Variants in AGPAT4 observed in about 807,000 individuals in gnomAD.
The protein encoded by AGPAT4 is 1-acyl-sn-glycerol-3-phosphate acyltransferase delta.
AGPAT4 carries 15 observed loss-of-function variants against 48.0 expected under a neutral mutation model. The observed-to-expected ratio is 0.31, with a 90% CI of 0.21 to 0.48. The LOEUF (loss-of-function observed/expected upper bound fraction) is 0.48, where lower values mean the gene tolerates loss of function less well. Ranked by LOEUF, AGPAT4 falls within the 20% of genes least tolerant of loss-of-function variation. The pLI, the probability that AGPAT4 is intolerant of heterozygous loss-of-function variation, is 0.99. For missense variants in AGPAT4, 314 were observed against 482.5 expected (o/e 0.65, Z 3.27); for synonymous variants, 178 against 198.7 (o/e 0.90, Z 0.88).
At position 161,222,631 on chromosome 6, in the gene AGPAT4, T is replaced by C. The variant is rs1343467425; in HGVS notation, c.178+9405A>G. 6.6e-6 allele frequency among the ~76,000 whole-genome samples: 1 copy of C among 152,134 alleles called. No homozygotes were observed. The highest frequency in any genetic ancestry group is 1.5e-5 in the Non-Finnish European group (1 of 68,030). On this transcript the variant is annotated intron_variant, in intron 2 of 8. Transcript: ENST00000320285. This position sits in a 1 kb window ranked among gnomAD's most constrained non-coding sequence, Gnocchi z 5.9. ...GTTTCTCAAGGCACATTTTGAACAA[T>C]GGTTCAGGTCAAGACAAAAATAAAT...
chr6:161,189,937 T>A lies in AGPAT4; in HGVS notation c.179-23520A>T, dbSNP rs776861204. ...AGGGTGTGTCTCACTATTGATGGCA[T>A]CCCTTAGTTTAATTGGAGCATTTCT... is the stretch of plus-strand genomic sequence containing the variant. On this transcript the variant is annotated intron_variant, in intron 2 of 8. Coordinates refer to ENST00000320285, the MANE Select transcript of AGPAT4 (RefSeq NM_020133.3). The surrounding 1 kb of genome is among the most constrained non-coding windows in gnomAD (Gnocchi z 5.3). Among the ~76,000 whole-genome samples the A allele has an allele frequency of 6.6e-6, 1 of 152,200 alleles. No individual in the cohort carries two copies. The highest frequency in any genetic ancestry group is 2.4e-5 in the African/African-American group (1 of 41,456).
At chr6:161,191,974 C>T (rs1349759056) in intron 2 of AGPAT4, among the ~76,000 whole-genome samples, 2 of 151,562 alleles carry the variant, frequency 1.3e-5, no homozygotes, top group Non-Finnish European at 2.9e-5. Flanking sequence ...CAGAGCTGGG[C>T]AGTGTGTAGG....
At chr6:161,172,101 T>C (rs1197689651) in intron 2 of AGPAT4, among the ~76,000 whole-genome samples, 1 of 152,106 alleles carries the variant, frequency 6.6e-6, no homozygotes, top group Non-Finnish European at 1.5e-5. Flanking sequence ...AAAAATAGTA[T>C]ATCTGGGAAT....
Position 161,218,030 on chromosome 6 carries a change from T to C in AGPAT4, c.178+14006A>G, listed in dbSNP as rs550948580. Among the ~76,000 whole-genome samples, 29 of 152,258 alleles carry C rather than the reference T, an allele frequency of 1.9e-4. No homozygotes were observed. The highest frequency in any genetic ancestry group is 3.5e-4 in the Non-Finnish European group (24 of 68,044). On this transcript the variant is annotated intron_variant, in intron 2 of 8. Transcript: ENST00000320285. This position sits in a 1 kb window ranked among gnomAD's most constrained non-coding sequence, Gnocchi z 4.7. Reference sequence around the variant, plus strand: ...CCTGCAAAGACCAATTGAACACGTATGCATTCACCGGGAATGCCCTGTGAT... The same window carrying C: ...CCTGCAAAGACCAATTGAACACGTACGCATTCACCGGGAATGCCCTGTGAT...
rs1779166144 is a variant in AGPAT4, at chr6:161,139,041, T to C, written c.1042+381A>G. 6.6e-6 allele frequency among the ~76,000 whole-genome samples: 1 copy of C among 152,032 alleles called. No homozygotes were observed. The highest frequency in any genetic ancestry group is 6.5e-5 in the Admixed American group (1 of 15,276). ...AGGAAGGCAGGGAGCTGCCCATCCG[T>C]CCCCGCCAGGCTCCAGCACAGGGCT... On this transcript the variant is annotated intron_variant, in intron 8 of 8. Transcript: ENST00000320285. This position sits in a 1 kb window ranked among gnomAD's most constrained non-coding sequence, Gnocchi z 9.1.
rs7762041 is a variant in AGPAT4 at position 161,157,391 on chromosome 6, C to A, written c.349-3081G>T. Among the ~76,000 whole-genome samples, 983 of 152,362 alleles carry A rather than the reference C, an allele frequency of 6.5e-3. 5 individuals are homozygous for A. Among genetic ancestry groups the A allele is most frequent in the African/African-American group, 0.023 (942 of 41,592 alleles). ...GCAATGGCACAATCTTGGCTCACTGCAACCTCCGCCTCCCAGGTTCAAGTG... is the reference window on the plus strand; with the variant it reads ...GCAATGGCACAATCTTGGCTCACTGAAACCTCCGCCTCCCAGGTTCAAGTG... On this transcript the variant is annotated intron_variant, in intron 3 of 8. Coordinates refer to ENST00000320285, the MANE Select transcript of AGPAT4 (RefSeq NM_020133.3).
At position 161,249,766 on chromosome 6, in the gene AGPAT4, C is replaced by T. The variant is rs1782755401; in HGVS notation, c.-89-17464G>A. 6.6e-6 allele frequency among the ~76,000 whole-genome samples: 1 copy of T among 152,140 alleles called. No homozygotes were observed. Among genetic ancestry groups the T allele is most frequent in the Non-Finnish European group, 1.5e-5 (1 of 68,038 alleles). ...AACAGTGTCGCAATTCCTCAAAGAC[C>T]TAAAAACAGAAATATCATTCGACCC... is the stretch of plus-strand genomic sequence containing the variant. On this transcript the variant is annotated intron_variant, in intron 1 of 8. Coordinates refer to ENST00000320285, the MANE Select transcript of AGPAT4 (RefSeq NM_020133.3). This position sits in a 1 kb window ranked among gnomAD's most constrained non-coding sequence, Gnocchi z 6.2.
chr6:161,269,772 T>C (rs1554244163), intron 1 of AGPAT4, among the ~76,000 whole-genome samples: 1 of 152,196 alleles, frequency 6.6e-6, no homozygotes, highest in Non-Finnish European at 1.5e-5. Context: ...ATACAGTGCC[T>C]GAGACATGAT....
At position 161,136,287 on chromosome 6, in the gene AGPAT4, C is replaced by T; in HGVS notation, c.*253G>A. On this transcript the variant is annotated 3_prime_UTR_variant, in exon 9 of 9. Coordinates refer to ENST00000320285, the MANE Select transcript of AGPAT4 (RefSeq NM_020133.3). ...GATCACAGAACAAAGTTCACACTCA[C>T]CACACAGCCATTCTCACACACACTC... The T allele has an allele frequency of 2.0e-6, 1 of 504,056 alleles. No individual in the cohort carries two copies. The highest frequency in any genetic ancestry group is 3.6e-5 in the East Asian group (1 of 27,924). 31.2% of individuals were successfully genotyped at this position (504,056 alleles called of 1,614,324 possible).
intron 5 of AGPAT4, among the ~76,000 whole-genome samples, chr6:161,151,291 G>A (rs1426262661): frequency 2.6e-5 from 4 of 152,238 alleles, no homozygotes; most frequent in African/African-American, 9.6e-5. Context: ...GTCCTGTGAG[G>A]ACATCCCATG....
rs372706289 is a variant in AGPAT4 at position 161,146,478 on chromosome 6, C to T, written c.843+46G>A. On this transcript the variant is annotated intron_variant, in intron 7 of 8. Transcript: ENST00000320285. This position sits in a 1 kb window ranked among gnomAD's most constrained non-coding sequence, Gnocchi z 7.1. ...CCACACAACACAGCCACACGGCGCA[C>T]CCACAGCTGCAACGTGAAGGGACCC... 7 of 1,590,992 alleles carry T rather than the reference C, an allele frequency of 4.4e-6. No homozygotes were observed. In the African/African-American group the frequency reaches 6.7e-5, roughly 15 times the overall value.
rs3043142 is a variant in AGPAT4 at position 161,272,705 on chromosome 6, A to AACACACAC, written c.-90+1225_-90+1232dup. Among the ~76,000 whole-genome samples the AACACACAC allele has an allele frequency of 0.028, 4,142 of 147,156 alleles. 99 individuals carry two copies. Among genetic ancestry groups the AACACACAC allele is most frequent in the East Asian group, 0.11 (548 of 5,004 alleles). On this transcript the variant is annotated intron_variant, in intron 1 of 8. Transcript: ENST00000320285. This position sits in a 1 kb window ranked among gnomAD's most constrained non-coding sequence, Gnocchi z 4.2. ...TCCCTGCCCGCCTCCCATTTCCCTA[A>AACACACAC]ACACACACACACACACACACACACA...
chr6:161,187,583 AGGCTGGATGGAGTGCAGT>A (rs1421361314), intron 2 of AGPAT4, among the ~76,000 whole-genome samples: 1 of 151,846 alleles, frequency 6.6e-6, no homozygotes, highest in African/African-American at 2.4e-5. Context: ...TGTCTCGCTC[AGGCTGGATGGAGTGCAGT>A]GGCACAATCT....
intron 2 of AGPAT4, among the ~76,000 whole-genome samples, chr6:161,172,645 TTTA>T (rs999988512): frequency 1.6e-4 from 24 of 152,138 alleles, no homozygotes; most frequent in Non-Finnish European, 2.5e-4. Context: ...TTATTTTTTA[TTTA>T]TTATTATTAT....
rs991698586 is a variant in AGPAT4, at chr6:161,195,765, G to A, written c.179-29348C>T. Among the ~76,000 whole-genome samples, 11 of 152,186 alleles carry A rather than the reference G, an allele frequency of 7.2e-5. No individual in the cohort carries two copies. Among genetic ancestry groups the A allele is most frequent in the Non-Finnish European group, 1.5e-4 (10 of 68,040 alleles). The stretch of plus-strand genomic sequence containing the variant: ...ATGCAGAGAACCTGGAGACATTTAG[G>A]GAGGCATGCCACACCCTCGGGGCTC... On this transcript the variant is annotated intron_variant, in intron 2 of 8. Transcript: ENST00000320285. This position sits in a 1 kb window ranked among gnomAD's most constrained non-coding sequence, Gnocchi z 5.0.
intron 5 of AGPAT4, 85 bp downstream of exon 5, chr6:161,153,261 C>G: frequency 6.7e-7 from 1 of 1,501,464 alleles, no homozygotes; most frequent in Non-Finnish European, 9.0e-7. Flanking sequence ...GAAGTGCTGG[C>G]AGGAAGCAAG....
At chr6:161,174,261 ATTCTTCCTATCCATGAGCATGGAATG>A (rs1780363489) in intron 2 of AGPAT4, among the ~76,000 whole-genome samples, 1 of 152,182 alleles carries the variant, frequency 6.6e-6, no homozygotes, top group Non-Finnish European at 1.5e-5. Flanking sequence ...CACGATATTT[ATTCTTCCTATCCATGAGCATGGAATG>A]TTCTTCCATT....
intron 1 of AGPAT4, among the ~76,000 whole-genome samples, chr6:161,256,789 A>T (rs1453244937): frequency 6.6e-6 from 1 of 152,244 alleles, no homozygotes; most frequent in African/African-American, 2.4e-5. Context: ...TTGAAGGGAA[A>T]GAAATGGGTT....
At position 161,154,103 on chromosome 6, in the gene AGPAT4, G is replaced by A. The variant is rs1290225625; in HGVS notation, c.510+46C>T. The A allele has an allele frequency of 1.2e-6, 2 of 1,612,608 alleles. No homozygotes were observed. The highest frequency in any genetic ancestry group is 1.3e-5 in the African/African-American group (1 of 74,912). On this transcript the variant is annotated intron_variant, in intron 4 of 8. Transcript: ENST00000320285. This position sits in a 1 kb window ranked among gnomAD's most constrained non-coding sequence, Gnocchi z 7.8. ...GTCACATGGGGGTCCCACGGTCACAGTCCTGCAGGAGCCCTTGGGACACAG... is the reference window on the plus strand; with the variant it reads ...GTCACATGGGGGTCCCACGGTCACAATCCTGCAGGAGCCCTTGGGACACAG...
Sources: allele counts gnomAD v4.1 joint callset (sites outside exome capture counted in the v4.1 genomes callset), GRCh38; gene constraint gnomAD v4.1.1; non-coding constraint Gnocchi (gnomAD v3.1); transcripts MANE v1.5; gene names NCBI Gene and HGNC (gene_info 2026-07-23, HGNC 2026-07-21).